SRGAP2C: variants seen among roughly 807,000 people sequenced by gnomAD.
SRGAP2C encodes SLIT-ROBO Rho GTPase-activating protein 2C.
A neutral mutation model predicts 25.1 loss-of-function variants in SRGAP2C; 15 were observed. The observed-to-expected ratio is 0.60, with a 90% confidence interval of 0.40 to 0.92. The LOEUF (loss-of-function observed/expected upper bound fraction) is 0.92, where lower values mean the gene tolerates loss of function less well. SRGAP2C is among the 40% of genes least tolerant of loss of function. SRGAP2C has a pLI of 0.00. For synonymous variants in SRGAP2C, 44 were observed against 96.6 expected (o/e 0.46, Z 3.19); for missense variants, 144 against 264.4 (o/e 0.54, Z 3.16).
intron 3 of SRGAP2C, among the ~76,000 whole-genome samples, chr1:121,285,905 A>G (rs1657353936): frequency 2.0e-5 from 3 of 152,128 alleles, no homozygotes. Context: ...GGGGTGTCCA[A>G]TCTTTTGTTC....
chr1:121,329,093 C>T (rs1658380704), intron 4 of SRGAP2C, among the ~76,000 whole-genome samples: 1 of 139,998 alleles, frequency 7.1e-6, no homozygotes, highest in Non-Finnish European at 1.6e-5. Context: ...TGCCTGTAAT[C>T]CCAGCTACTC....
chr1:121,229,423 CT>C (rs1655762393), intron 2 of SRGAP2C, among the ~76,000 whole-genome samples: 1 of 121,920 alleles, frequency 8.2e-6, no homozygotes, highest in African/African-American at 3.1e-5. Flanking sequence ...GGGTTAAGAA[CT>C]TTGGGACTCT....
intron 2 of SRGAP2C, among the ~76,000 whole-genome samples, chr1:121,228,871 C>T (rs1553327077): frequency 7.3e-5 from 11 of 151,482 alleles, no homozygotes; most frequent in Non-Finnish European, 1.6e-4. Flanking sequence ...GGTTGCCCAA[C>T]TCTGAAGCCA....
intron 2 of SRGAP2C, among the ~76,000 whole-genome samples, chr1:121,217,705 A>T (rs1212018300): frequency 6.6e-6 from 1 of 152,162 alleles, no homozygotes; most frequent in East Asian, 1.9e-4. Context: ...CTGCATCTCG[A>T]TGGCAGAACA....
chr1:121,321,979 TC>T (rs1658215656), intron 3 of SRGAP2C, among the ~76,000 whole-genome samples: 1 of 150,460 alleles, frequency 6.6e-6, no homozygotes, highest in Admixed American at 6.6e-5. Flanking sequence ...TTTCTTTGTC[TC>T]CCTTACTATA....
At chr1:121,244,685 T>TC (rs1164255666) in intron 2 of SRGAP2C, among the ~76,000 whole-genome samples, 1 of 7,282 alleles carries the variant, frequency 1.4e-4, no homozygotes, top group East Asian at 2.0e-3. Context: ...TCTGTTACCT[T>TC]CTGATTGCAG....
At chr1:121,384,954 C>T (rs1485175277) in intron 8 of SRGAP2C, among the ~76,000 whole-genome samples, 1 of 152,180 alleles carries the variant, frequency 6.6e-6, no homozygotes, top group African/African-American at 2.4e-5. Flanking sequence ...TGATCAGTGG[C>T]TGAGCCAGGC....
intron 3 of SRGAP2C, among the ~76,000 whole-genome samples, chr1:121,293,752 C>G (rs1553337990): frequency 2.5e-4 from 36 of 142,192 alleles, no homozygotes; most frequent in Non-Finnish European, 4.9e-4. Context: ...TCACCTCCCC[C>G]GGAGCTGTAG....
At chr1:121,341,658 G>GA (rs1658651094) in intron 4 of SRGAP2C, among the ~76,000 whole-genome samples, 1 of 93,994 alleles carries the variant, frequency 1.1e-5, no homozygotes, top group Non-Finnish European at 2.1e-5. Flanking sequence ...ACCTTGTACA[G>GA]AGTAGGCAAG....
chr1:121,366,809 G>A (rs1368798650), intron 5 of SRGAP2C, among the ~76,000 whole-genome samples: 3 of 151,450 alleles, frequency 2.0e-5, no homozygotes, highest in African/African-American at 7.3e-5. Context: ...TGTTTCTGGG[G>A]AGGGGTAGTT....
At chr1:121,331,855 T>C in intron 4 of SRGAP2C, among the ~76,000 whole-genome samples, 2 of 151,822 alleles carry the variant, frequency 1.3e-5, no homozygotes, top group Admixed American at 1.3e-4. Context: ...CTATAAAATT[T>C]TAGAAAAAAC....
chr1:121,365,270 C>T, intron 4 of SRGAP2C, 23 bp from the exon 5 acceptor site: 1 of 391,392 alleles, frequency 2.6e-6, no homozygotes, highest in Non-Finnish European at 4.5e-6. Context: ...TCCCAATTAA[C>T]CTTCATTCCT....
chr1:121,356,984 G>A (rs1437727646), intron 4 of SRGAP2C, among the ~76,000 whole-genome samples: 14 of 150,588 alleles, frequency 9.3e-5, no homozygotes, highest in African/African-American at 3.4e-4. Flanking sequence ...ACCCCACCCT[G>A]AACTCCCCTG....
At chr1:121,213,129 T>C (rs1443956763) in intron 2 of SRGAP2C, among the ~76,000 whole-genome samples, 2 of 150,056 alleles carry the variant, frequency 1.3e-5, no homozygotes, top group African/African-American at 4.9e-5. Flanking sequence ...CACTGCAACC[T>C]CTGCCTCCCA....
chr1:121,295,745 T>C (rs1477785651), intron 3 of SRGAP2C, among the ~76,000 whole-genome samples: 15 of 152,152 alleles, frequency 9.9e-5, no homozygotes, highest in East Asian at 5.8e-4. Context: ...TTGTTGTTGT[T>C]GTTGTTGTTG....
At chr1:121,222,999 G>T (rs1419104491) in intron 2 of SRGAP2C, among the ~76,000 whole-genome samples, 3 of 151,712 alleles carry the variant, frequency 2.0e-5, no homozygotes, top group Admixed American at 1.3e-4. Flanking sequence ...GTCCACAAAG[G>T]GTCTTGGGAT....
chr1:121,278,247 T>A (rs1293838138), intron 2 of SRGAP2C, among the ~76,000 whole-genome samples: 1 of 151,804 alleles, frequency 6.6e-6, no homozygotes, highest in African/African-American at 2.4e-5. Flanking sequence ...GTGCCTGGCC[T>A]GTTTTGTGCC....
intron 2 of SRGAP2C, among the ~76,000 whole-genome samples, chr1:121,271,043 T>G (rs1656941086): frequency 6.6e-6 from 1 of 151,746 alleles, no homozygotes; most frequent in Non-Finnish European, 1.5e-5. Flanking sequence ...GTGGTCTGCC[T>G]GCATTGGCCT....
At chr1:121,257,596 T>G (rs1304221303) in intron 2 of SRGAP2C, among the ~76,000 whole-genome samples, 9 of 105,626 alleles carry the variant, frequency 8.5e-5, no homozygotes, top group African/African-American at 1.5e-4. Context: ...TTTCAACCCC[T>G]TCCATGTGGG....
Sources: gnomAD v4.1 joint callset for allele counts (sites outside exome capture counted in the v4.1 genomes callset) on GRCh38, gnomAD v4.1.1 for gene constraint, MANE v1.5 for transcripts, NCBI Gene and HGNC (gene_info 2026-07-23, HGNC 2026-07-21) for gene names.